PTK2: variants seen among roughly 807,000 people sequenced by gnomAD.
PTK2 encodes the protein focal adhesion kinase 1.
In PTK2, 45 loss-of-function variants were observed where a neutral mutation model predicts 150.1. The ratio of observed to expected loss-of-function variants is 0.30; its 90% confidence interval spans 0.24 to 0.38. PTK2 has a LOEUF of 0.38. Among genes scored for constraint, PTK2 ranks in the 10% least tolerant of loss-of-function variants. PTK2 has a pLI of 1.00. For synonymous variants in PTK2, 432 were observed against 449.2 expected (o/e 0.96, Z 0.48); for missense variants, 919 against 1,307.3 (o/e 0.70, Z 4.58).
chr8:140,993,996 G>A (rs2100196690), intron 1 of PTK2, among the ~76,000 whole-genome samples: 1 of 152,128 alleles, frequency 6.6e-6, no homozygotes, highest in African/African-American at 2.4e-5. Context: ...TCCCAAAGTG[G>A]TGGAATTACA....
intron 16 of PTK2, among the ~76,000 whole-genome samples, chr8:140,758,596 C>T (rs1457976025): frequency 6.6e-6 from 1 of 151,846 alleles, no homozygotes; most frequent in African/African-American, 2.4e-5. Context: ...ACTGTGTAGG[C>T]CTAGCCTAAT....
At chr8:140,727,362 G>A (rs538812802) in intron 22 of PTK2, among the ~76,000 whole-genome samples, 9 of 151,936 alleles carry the variant, frequency 5.9e-5, no homozygotes, top group African/African-American at 1.2e-4. Context: ...GGAAGACTGC[G>A]GGCCAAAACA....
At chr8:140,756,750 G>C (rs1016466666) in intron 16 of PTK2, among the ~76,000 whole-genome samples, 1 of 151,572 alleles carries the variant, frequency 6.6e-6, no homozygotes, top group Non-Finnish European at 1.5e-5. Flanking sequence ...AGCACTTTGG[G>C]AGGCAGAGGC....
chr8:140,981,884 G>A (rs1357939479), intron 1 of PTK2, among the ~76,000 whole-genome samples: 2 of 151,950 alleles, frequency 1.3e-5, no homozygotes, highest in South Asian at 2.1e-4. Flanking sequence ...GGCTGACTTG[G>A]GTGTCCTTCC....
At chr8:140,890,887 G>C in intron 2 of PTK2, 118 bp from the exon 3 acceptor site, 1 of 848,156 alleles carries the variant, frequency 1.2e-6, no homozygotes, top group Non-Finnish European at 1.8e-6. Flanking sequence ...TATGCGGAAG[G>C]AGTCTGAGGA....
intron 2 of PTK2, among the ~76,000 whole-genome samples, chr8:140,922,350 C>T (rs1603190600): frequency 1.3e-5 from 2 of 151,782 alleles, no homozygotes; most frequent in African/African-American, 4.8e-5. Context: ...AAGAAAGGGG[C>T]TCCAGAAAAA....
At chr8:140,841,577 A>G (rs1360104567) in intron 7 of PTK2, among the ~76,000 whole-genome samples, 2 of 152,136 alleles carry the variant, frequency 1.3e-5, no homozygotes, top group East Asian at 3.8e-4. Flanking sequence ...AAAAACCAAA[A>G]TGAAAATACG....
intron 22 of PTK2, among the ~76,000 whole-genome samples, chr8:140,724,095 G>A (rs931041233): frequency 6.6e-6 from 1 of 152,200 alleles, no homozygotes; most frequent in African/African-American, 2.4e-5. Context: ...TTGATTCTGA[G>A]TGTTTTTCTT....
chr8:140,977,926 A>C (rs2100189904), intron 1 of PTK2, among the ~76,000 whole-genome samples: 1 of 152,216 alleles, frequency 6.6e-6, no homozygotes, highest in Non-Finnish European at 1.5e-5. Flanking sequence ...AATGGAACAG[A>C]ACAGAGCCCT....
intron 4 of PTK2, among the ~76,000 whole-genome samples, chr8:140,877,240 G>A (rs1224452805): frequency 6.6e-6 from 1 of 151,726 alleles, no homozygotes; most frequent in African/African-American, 2.4e-5. Flanking sequence ...ACTCATGTTG[G>A]CCAGCCTGGT....
chr8:140,896,797 G>GGA (rs1373082588), intron 2 of PTK2, among the ~76,000 whole-genome samples: 1 of 133,982 alleles, frequency 7.5e-6, no homozygotes, highest in East Asian at 2.3e-4. Context: ...ACGGGGGGGG[G>GGA]GGGTGGGTAA....
At chr8:140,738,977 A>G (rs1317695389) in intron 21 of PTK2, 41 bp downstream of exon 24, 1 of 1,353,728 alleles carries the variant, frequency 7.4e-7, no homozygotes, top group Non-Finnish European at 1.0e-6. Context: ...AACATATGAA[A>G]TATAATTTTT....
chr8:140,951,793 C>A (rs368218793), intron 1 of PTK2, among the ~76,000 whole-genome samples: 1 of 151,614 alleles, frequency 6.6e-6, no homozygotes, highest in Non-Finnish European at 1.5e-5. Flanking sequence ...CTGAAATGGG[C>A]GCATCATTTG....
At chr8:140,826,433 C>T (rs1012961875) in intron 8 of PTK2, among the ~76,000 whole-genome samples, 5 of 152,168 alleles carry the variant, frequency 3.3e-5, no homozygotes, top group Non-Finnish European at 7.3e-5. Context: ...AAGCCAAATA[C>T]ACACTATTGG....
At chr8:140,902,009 A>G (rs1431066661) in intron 2 of PTK2, among the ~76,000 whole-genome samples, 1 of 149,566 alleles carries the variant, frequency 6.7e-6, no homozygotes, top group Non-Finnish European at 1.5e-5. Flanking sequence ...ATGGCTACAG[A>G]GTATTCCATG....
intron 1 of PTK2, among the ~76,000 whole-genome samples, chr8:140,969,369 T>A (rs928415973): frequency 1.3e-5 from 2 of 152,264 alleles, no homozygotes; most frequent in Middle Eastern, 3.4e-3. Flanking sequence ...ATACAAATAA[T>A]CCTATAAACA....
intron 8 of PTK2, among the ~76,000 whole-genome samples, chr8:140,824,701 A>G (rs985993147): frequency 2.6e-5 from 4 of 152,208 alleles, no homozygotes; most frequent in Non-Finnish European, 5.9e-5. Flanking sequence ...CTCAGTGGGG[A>G]ACAAAATTCC....
At chr8:140,805,562 AAAG>A (rs1353042229) in intron 10 of PTK2, among the ~76,000 whole-genome samples, 11 of 151,790 alleles carry the variant, frequency 7.2e-5, no homozygotes, top group African/African-American at 2.7e-4. Flanking sequence ...AAAAAAAAAA[AAAG>A]AAGAGAAAAA....
intron 10 of PTK2, among the ~76,000 whole-genome samples, chr8:140,811,748 A>G (rs945781816): frequency 4.6e-5 from 7 of 152,268 alleles, no homozygotes; most frequent in African/African-American, 9.6e-5. Context: ...TGAAAAGCAC[A>G]CTACAAAGAT....
Sources: gnomAD v4.1 joint callset for allele counts (sites outside exome capture counted in the v4.1 genomes callset) on GRCh38, gnomAD v4.1.1 for gene constraint, MANE v1.5 for transcripts, NCBI Gene and HGNC (gene_info 2026-07-23, HGNC 2026-07-21) for gene names.